Variants in RAPGEF6 observed in about 807,000 individuals in gnomAD.
The protein encoded by RAPGEF6 is Rap guanine nucleotide exchange factor 6, also known as PDZ domain containing guanine nucleotide exchange factor (GEF) 2.
Under a neutral mutation model 171.4 loss-of-function variants are expected in RAPGEF6, and 56 were observed. That is an observed-to-expected ratio of 0.33 (90% CI 0.26 to 0.41). RAPGEF6 has a LOEUF of 0.41. RAPGEF6 is among the 10% of genes least tolerant of loss of function. The pLI, the probability that RAPGEF6 is intolerant of heterozygous loss-of-function variation, is 1.00. For synonymous variants in RAPGEF6, 692 were observed against 650.1 expected (o/e 1.06, Z -0.98); for missense variants, 1,674 against 1,921.4 (o/e 0.87, Z 2.41).
chr5:131,566,366 A>G (rs1377113306), intron 4 of RAPGEF6, among the ~76,000 whole-genome samples: 1 of 152,132 alleles, frequency 6.6e-6, no homozygotes, highest in African/African-American at 2.4e-5. Context: ...TATTTTATTA[A>G]TAAAGTATAC....
chr5:131,593,424 A>G (rs1425325110), intron 3 of RAPGEF6, among the ~76,000 whole-genome samples: 3 of 152,232 alleles, frequency 2.0e-5, no homozygotes, highest in Non-Finnish European at 4.4e-5. Flanking sequence ...ACAAATTATT[A>G]GTAATAGTGG....
chr5:131,581,266 A>T (rs1042682913), intron 4 of RAPGEF6, among the ~76,000 whole-genome samples: 4 of 152,230 alleles, frequency 2.6e-5, no homozygotes, highest in Non-Finnish European at 5.9e-5. Context: ...GGTATATAAC[A>T]TCAAAAAACT....
At chr5:131,519,814 C>G (rs1580959384) in intron 7 of RAPGEF6, among the ~76,000 whole-genome samples, 1 of 152,178 alleles carries the variant, frequency 6.6e-6, no homozygotes, top group African/African-American at 2.4e-5. Context: ...AAAACACAGT[C>G]TACTTTGATT....
chr5:131,608,263 A>G (rs1362872763), intron 1 of RAPGEF6, among the ~76,000 whole-genome samples: 3 of 152,314 alleles, frequency 2.0e-5, no homozygotes, highest in African/African-American at 7.2e-5. Context: ...TTATAGAAAA[A>G]GTCTGTTAAC....
At chr5:131,502,777 A>G (rs567125612) in intron 11 of RAPGEF6, among the ~76,000 whole-genome samples, 11 of 152,178 alleles carry the variant, frequency 7.2e-5, no homozygotes, top group African/African-American at 2.6e-4. Context: ...AAATCTAAAT[A>G]GGGTTTCTGG....
chr5:131,517,086 A>C (rs1258653996), intron 7 of RAPGEF6, among the ~76,000 whole-genome samples: 2 of 152,178 alleles, frequency 1.3e-5, no homozygotes, highest in Non-Finnish European at 2.9e-5. Flanking sequence ...CATGGACCTA[A>C]AGATAGGAAC....
At chr5:131,511,238 A>C (rs547110781) in intron 7 of RAPGEF6, 1 of 152,158 alleles carries the variant, frequency 6.6e-6, no homozygotes, top group Non-Finnish European at 1.5e-5. Flanking sequence ...GTCTTTTAGA[A>C]GATAAAATGG....
At chr5:131,461,084 T>C (rs556040546) in intron 19 of RAPGEF6, among the ~76,000 whole-genome samples, 1 of 152,324 alleles carries the variant, frequency 6.6e-6, no homozygotes, top group South Asian at 2.1e-4. Flanking sequence ...TAACTTTTCA[T>C]AATAAGTGGG....
At chr5:131,612,914 C>T (rs1327220995) in intron 1 of RAPGEF6, among the ~76,000 whole-genome samples, 1 of 152,176 alleles carries the variant, frequency 6.6e-6, no homozygotes, top group Non-Finnish European at 1.5e-5. Flanking sequence ...ATTTCACTCA[C>T]AAGTTTGAGA....
chr5:131,570,344 C>T (rs1427505194), intron 4 of RAPGEF6, among the ~76,000 whole-genome samples: 1 of 152,016 alleles, frequency 6.6e-6, no homozygotes, highest in Admixed American at 6.6e-5. Context: ...ACTGTCAATA[C>T]CAAGTGGTGG....
chr5:131,464,113 T>C lies in RAPGEF6; in HGVS notation c.2408A>G (p.Glu803Gly). The C allele has an allele frequency of 6.2e-7, 1 of 1,613,928 alleles. No homozygotes were observed. The highest frequency in any genetic ancestry group is 1.7e-5 in the Admixed American group (1 of 60,002). Residue 803 changes from glutamate (E) to glycine (G), a missense_variant, in exon 18 of 28, where the codon GAG becomes GGG. Physicochemically the swap from Glu to Gly is moderately conservative, Grantham distance 98 (BLOSUM62 -2). Coordinates refer to ENST00000509018, the MANE Select transcript of RAPGEF6 (RefSeq NM_016340.6). ...YSLCEVSVTP[E>G]GVIKQRRLPD... ...AAGTCTTCTCTGTTTTATGACACCC[T>C]CAGGAGTAACAGAAACTTCACAGAG...
At chr5:131,487,296 G>A (rs1226292701) in intron 15 of RAPGEF6, among the ~76,000 whole-genome samples, 2 of 152,226 alleles carry the variant, frequency 1.3e-5, no homozygotes, top group East Asian at 1.9e-4. Context: ...TGTGAAGAAT[G>A]AAAGAACAAA....
intron 5 of RAPGEF6, among the ~76,000 whole-genome samples, chr5:131,551,441 G>A (rs1409739222): frequency 1.3e-5 from 2 of 151,608 alleles, no homozygotes; most frequent in African/African-American, 2.4e-5. Flanking sequence ...CAAACCGGGC[G>A]GCAGAGGTTG....
chr5:131,505,387 T>C lies in RAPGEF6; in HGVS notation c.1078A>G (p.Arg360Gly). 6.2e-7 allele frequency: 1 copy of C among 1,613,688 alleles called. No individual in the cohort carries two copies. The highest frequency in any genetic ancestry group is 2.2e-5 in the East Asian group (1 of 44,770). ...LDKQYMHGIV[R>G]TKVDDCQFVC... is the part of the protein sequence containing the mutation. ...ACCTGACAATCATCTACTTTAGTCC[T>C]GACAATTCCATGCATGTACTGCTTA... The change falls in exon 10 of 28, where the codon AGG becomes GGG. Residue 360 changes from arginine to glycine, a missense_variant. Arg to Gly is a moderately radical substitution (Grantham distance 125). This residue lies in a region of RAPGEF6 where 1,116 missense variants were observed against 1,321.5 expected (regional missense o/e 0.84). Coordinates refer to ENST00000509018, the MANE Select transcript of RAPGEF6 (RefSeq NM_016340.6).
chr5:131,611,469 C>T (rs147469768), intron 1 of RAPGEF6, among the ~76,000 whole-genome samples: 20 of 152,162 alleles, frequency 1.3e-4, no homozygotes, highest in East Asian at 1.2e-3. Flanking sequence ...GTCAGGAGTT[C>T]GAGACCAGCC....
chr5:131,624,658 A>G (rs576866660), intron 1 of RAPGEF6, among the ~76,000 whole-genome samples: 223 of 152,020 alleles, frequency 1.5e-3, no homozygotes, highest in Non-Finnish European at 2.6e-3. Context: ...AAAACACTCC[A>G]CTCAAATTAA....
chr5:131,575,474 T>C (rs1310264200), intron 4 of RAPGEF6, among the ~76,000 whole-genome samples: 1 of 152,192 alleles, frequency 6.6e-6, no homozygotes, highest in Non-Finnish European at 1.5e-5. Flanking sequence ...TAGTCCTTCA[T>C]CAAAACACAA....
At chr5:131,627,398 T>G (rs1307944874) in intron 1 of RAPGEF6, among the ~76,000 whole-genome samples, 2 of 152,236 alleles carry the variant, frequency 1.3e-5, no homozygotes, top group Non-Finnish European at 2.9e-5. Context: ...GAATACGAAG[T>G]GCTACCTTTT....
At chr5:131,480,086 A>C (rs1755367646) in intron 15 of RAPGEF6, among the ~76,000 whole-genome samples, 1 of 152,190 alleles carries the variant, frequency 6.6e-6, no homozygotes, top group African/African-American at 2.4e-5. Context: ...CTGCTAATCA[A>C]CTAATTTTAT....
Sources: gnomAD v4.1 joint callset for allele counts (sites outside exome capture counted in the v4.1 genomes callset) on GRCh38, gnomAD v4.1.1 for gene constraint, gnomAD v4.1.1 regional missense constraint, MANE v1.5 for transcripts, NCBI Gene and HGNC (gene_info 2026-07-23, HGNC 2026-07-21) for gene names.